NTM: variants seen among roughly 807,000 people sequenced by gnomAD.
The protein encoded by NTM is IgLON family member 2.
NTM carries 13 observed loss-of-function variants against 42.1 expected under a neutral mutation model. The observed-to-expected ratio is 0.31, with a 90% CI of 0.20 to 0.49. NTM has a LOEUF of 0.49. Ranked by LOEUF, NTM falls within the 20% of genes least tolerant of loss-of-function variation. The pLI is 0.99. For synonymous variants in NTM, 187 were observed against 179.2 expected, an observed-to-expected ratio of 1.04 and a Z score of -0.35; for missense variants, 373 against 452.8, an observed-to-expected ratio of 0.82 and a Z score of 1.60.
chr11:132,333,342 CAT>C (rs1053974183), intron 8 of NTM, among the ~76,000 whole-genome samples: 2 of 152,102 alleles, frequency 1.3e-5, no homozygotes, highest in African/African-American at 4.8e-5. Flanking sequence ...AGCAGAGAAA[CAT>C]AGTCTCTCAC....
At chr11:132,077,674 G>A (rs983240418) in intron 2 of NTM, among the ~76,000 whole-genome samples, 21 of 152,254 alleles carry the variant, frequency 1.4e-4, no homozygotes, top group African/African-American at 5.1e-4. Flanking sequence ...AGCCAATGGT[G>A]TGTTTACCAG....
intron 1 of NTM, among the ~76,000 whole-genome samples, chr11:131,643,732 AAC>A (rs2065426612): frequency 6.6e-6 from 1 of 152,148 alleles, no homozygotes; most frequent in African/African-American, 2.4e-5. Context: ...GAGCTACAAT[AAC>A]ACAGTGCAGA....
intron 2 of NTM, among the ~76,000 whole-genome samples, chr11:131,938,695 G>T (rs910513475): frequency 2.0e-5 from 3 of 152,212 alleles, no homozygotes; most frequent in Admixed American, 1.3e-4. Context: ...TCCTGTGGCT[G>T]TGCCTATAAG....
At chr11:131,580,455 A>G (rs1418670316) in intron 1 of NTM, among the ~76,000 whole-genome samples, 2 of 152,168 alleles carry the variant, frequency 1.3e-5, no homozygotes, top group Non-Finnish European at 2.9e-5. Flanking sequence ...AGATCATGCT[A>G]GAGACACAGG....
At chr11:131,812,308 G>A (rs1042545508) in intron 1 of NTM, among the ~76,000 whole-genome samples, 7 of 151,862 alleles carry the variant, frequency 4.6e-5, no homozygotes, top group Non-Finnish European at 1.0e-4. Flanking sequence ...TGTAATATAT[G>A]AGGGTACGGG....
At chr11:132,010,628 T>TTTTC (rs1555217163) in intron 2 of NTM, among the ~76,000 whole-genome samples, 4 of 151,402 alleles carry the variant, frequency 2.6e-5, no homozygotes, top group African/African-American at 4.9e-5. Context: ...TTTTTTTTTT[T>TTTTC]CCTCCATTCT....
chr11:131,788,574 T>G (rs558003270), intron 1 of NTM, among the ~76,000 whole-genome samples: 1 of 152,344 alleles, frequency 6.6e-6, no homozygotes, highest in African/African-American at 2.4e-5. Context: ...ACGTGTTTTC[T>G]CTCTATTGTT....
At chr11:131,946,356 C>T (rs996901284) in intron 2 of NTM, among the ~76,000 whole-genome samples, 2 of 152,152 alleles carry the variant, frequency 1.3e-5, no homozygotes, top group African/African-American at 4.8e-5. Flanking sequence ...CCTTCTGGTA[C>T]CCTTATTTTA....
chr11:132,319,960 A>G (rs557383328), intron 7 of NTM, among the ~76,000 whole-genome samples: 1 of 152,324 alleles, frequency 6.6e-6, no homozygotes, highest in African/African-American at 2.4e-5. Context: ...TGGTTCACCA[A>G]TATCCCCTGT....
intron 1 of NTM, among the ~76,000 whole-genome samples, chr11:131,449,920 C>T (rs1174284815): frequency 1.3e-5 from 2 of 152,152 alleles, no homozygotes; most frequent in South Asian, 2.1e-4. Context: ...TCCACTTGTT[C>T]GTTCCAGGCA....
At position 131,873,639 on chromosome 11, in the gene NTM, A is replaced by AC. The variant is rs1565658140; in HGVS notation, c.83-37925_83-37924insC. 6.1e-4 allele frequency among the ~76,000 whole-genome samples: 75 copies of AC among 122,998 alleles called. 4 individuals carry two copies. Among genetic ancestry groups the AC allele is most frequent in the Middle Eastern group, 4.0e-3 (1 of 252 alleles). 80.7% of individuals were successfully genotyped at this position (122,998 alleles called of 152,430 possible). On this transcript the variant is annotated intron_variant, in intron 1 of 8. Coordinates refer to ENST00000683400, the MANE Select transcript of NTM (RefSeq NM_001352005.2). ...TATATATATACATATATATATACAC[A>AC]TATATATATACACACATATATATAC...
At chr11:132,121,867 A>G (rs1018245524) in intron 2 of NTM, among the ~76,000 whole-genome samples, 1 of 152,202 alleles carries the variant, frequency 6.6e-6, no homozygotes, top group African/African-American at 2.4e-5. Flanking sequence ...TGGTAAATAT[A>G]CTTCTTTGAC....
chr11:131,804,706 C>G (rs540302033), intron 1 of NTM, among the ~76,000 whole-genome samples: 2 of 152,288 alleles, frequency 1.3e-5, no homozygotes, highest in African/African-American at 4.8e-5. Flanking sequence ...CATACTATGT[C>G]TCTATTGCTG....
At position 132,270,652 on chromosome 11, in the gene NTM, TA is replaced by T. The variant is rs68040977; in HGVS notation, c.527-37036del. ...GTATATGTCTTTATAAATTTATTTT[TA>T]TTTTTTTTTTTACTTTTTTGGGGGG... On this transcript the variant is annotated intron_variant, in intron 4 of 8. Transcript: ENST00000683400. 8.6e-3 allele frequency among the ~76,000 whole-genome samples: 1,197 copies of T among 139,262 alleles called. 5 individuals carry two copies. The highest frequency in any genetic ancestry group is 0.021 in the Middle Eastern group (6 of 288). The allele number at this position is 139,262 out of a possible 152,430, so 91.4% of individuals were successfully genotyped here.
intron 1 of NTM, among the ~76,000 whole-genome samples, chr11:131,870,568 G>A (rs1194933887): frequency 6.6e-6 from 1 of 152,122 alleles, no homozygotes; most frequent in African/African-American, 2.4e-5. Context: ...TTTAAGCAGT[G>A]CCCCTTTGTA....
chr11:131,687,529 G>A (rs1592555432), intron 1 of NTM, among the ~76,000 whole-genome samples: 1 of 152,338 alleles, frequency 6.6e-6, no homozygotes, highest in East Asian at 1.9e-4. Flanking sequence ...GCGTGGGGCC[G>A]GCGTCCCGCC....
intron 1 of NTM, among the ~76,000 whole-genome samples, chr11:131,776,669 A>G (rs1054244247): frequency 6.6e-6 from 1 of 152,142 alleles, no homozygotes; most frequent in Non-Finnish European, 1.5e-5. Flanking sequence ...AACAAATTCC[A>G]ACATTGAATG....
At chr11:131,598,357 A>C (rs566340030) in intron 1 of NTM, among the ~76,000 whole-genome samples, 2 of 152,340 alleles carry the variant, frequency 1.3e-5, no homozygotes, top group South Asian at 4.1e-4. Flanking sequence ...AGGGTTTGGA[A>C]ATGATAAACA....
At chr11:132,093,311 G>C (rs965640617) in intron 2 of NTM, among the ~76,000 whole-genome samples, 1 of 152,068 alleles carries the variant, frequency 6.6e-6, no homozygotes, top group Non-Finnish European at 1.5e-5. Flanking sequence ...TCCTCTGCCT[G>C]GTCTGTATTA....
Sources: gnomAD v4.1 joint callset for allele counts (sites outside exome capture counted in the v4.1 genomes callset) on GRCh38, gnomAD v4.1.1 for gene constraint, MANE v1.5 for transcripts, NCBI Gene and HGNC (gene_info 2026-07-23, HGNC 2026-07-21) for gene names.